GNPTAB: variants seen among roughly 807,000 people sequenced by gnomAD.
The protein encoded by GNPTAB is N-acetylglucosamine-1-phosphate transferase subunits alpha and beta, also known as N-acetylglucosamine-1-phosphotransferase subunits alpha/beta.
GNPTAB carries 92 observed loss-of-function variants against 136.6 expected under a neutral mutation model. The observed-to-expected ratio is 0.67, with a 90% confidence interval of 0.57 to 0.80. The LOEUF (loss-of-function observed/expected upper bound fraction) is 0.80. Among genes scored for constraint, GNPTAB ranks in the 30% least tolerant of loss-of-function variants. The pLI, the probability that GNPTAB is intolerant of heterozygous loss-of-function variation, is 0.00. For synonymous variants in GNPTAB, 512 were observed against 535.1 expected, an observed-to-expected ratio of 0.96 and a Z score of 0.60; for missense variants, 1,343 against 1,501.8, an observed-to-expected ratio of 0.89 and a Z score of 1.75.
chr12:101,752,019 T>TAA (rs5800485), intron 19 of GNPTAB, among the ~76,000 whole-genome samples: 2 of 145,912 alleles, frequency 1.4e-5, no homozygotes, highest in Non-Finnish European at 3.0e-5. Flanking sequence ...ACAGTTAAGT[T>TAA]AAAAAAAAAA....
At chr12:101,767,835 C>A in intron 11 of GNPTAB, 1 of 677,562 alleles carries the variant, frequency 1.5e-6, no homozygotes, top group South Asian at 1.7e-5. Context: ...CCAAGCTGGT[C>A]TTGAACTCCT....
chr12:101,769,904 T>C, intron 10 of GNPTAB, 117 bp downstream of exon 10: 1 of 1,041,864 alleles, frequency 9.6e-7, no homozygotes, highest in Non-Finnish European at 1.5e-6. Flanking sequence ...GTACTGGGAT[T>C]ACAGGTGTGA....
rs1239154077 is a variant in GNPTAB, at chr12:101,830,892, C to G, written c.-217G>C. 2.0e-5 allele frequency: 3 copies of G among 147,408 alleles called. No individual in the cohort carries two copies. Among genetic ancestry groups the G allele is most frequent in the African/African-American group, 7.3e-5 (3 of 40,944 alleles). 9.1% of individuals were successfully genotyped at this position (147,408 alleles called of 1,614,324 possible). On this transcript the variant is annotated 5_prime_UTR_variant, in exon 1 of 21. Transcript: ENST00000299314. ...CCGGGAGCCCACGCCCTCGGCGCGG[C>G]GGAGGCGGACCTGCGGCCGGCGAGG...
In GNPTAB at chr12:101,765,222, A is replaced by G. The variant is rs1449758021; in HGVS notation, c.1695T>C (p.Tyr565=). The G allele has an allele frequency of 1.2e-6, 2 of 1,613,922 alleles. No individual in the cohort carries two copies. Among genetic ancestry groups the G allele is most frequent in the Non-Finnish European group, 1.7e-6 (2 of 1,179,890 alleles). Residue 565 remains tyrosine, a synonymous_variant, in exon 13 of 21, where the codon TAT becomes TAC. Transcript: ENST00000299314. ...YIIPKGECLP[Y]FSFAEVAKRG... ...TTTTGGCTACTTCTGCAAAGCTGAA[A>G]TAAGGCAGGCATTCACCTTTTGGAA...
intron 17 of GNPTAB, 54 bp downstream of exon 17, chr12:101,757,518 G>A (rs1952919698): frequency 1.1e-6 from 1 of 938,744 alleles, no homozygotes; most frequent in Non-Finnish European, 1.8e-6. Flanking sequence ...AAAAAAGCCA[G>A]ACCTTTGTGA....
intron 1 of GNPTAB, among the ~76,000 whole-genome samples, chr12:101,821,897 C>T (rs79728738): frequency 0.011 from 1,686 of 152,230 alleles, 20 homozygotes; most frequent in Non-Finnish European, 0.014. Context: ...GGGCCACATA[C>T]AACAAAGAAC....
At chr12:101,828,837 G>C (rs759296487) in intron 1 of GNPTAB, among the ~76,000 whole-genome samples, 2 of 152,204 alleles carry the variant, frequency 1.3e-5, no homozygotes, top group Non-Finnish European at 2.9e-5. Flanking sequence ...TATCCCACAG[G>C]GGTGATGTTG....
chr12:101,768,971 C>T (rs770018102), intron 10 of GNPTAB, among the ~76,000 whole-genome samples: 3 of 152,210 alleles, frequency 2.0e-5, no homozygotes, highest in Non-Finnish European at 4.4e-5. Context: ...TGTTAAGCCA[C>T]AAGCTCAACT....
At chr12:101,786,530 TTC>T (rs1868659994) in intron 4 of GNPTAB, among the ~76,000 whole-genome samples, 1 of 152,196 alleles carries the variant, frequency 6.6e-6, no homozygotes, top group Non-Finnish European at 1.5e-5. Flanking sequence ...TTATTCATAA[TTC>T]CAATAAAGCC....
At chr12:101,825,222 A>G (rs1265625145) in intron 1 of GNPTAB, among the ~76,000 whole-genome samples, 3 of 152,258 alleles carry the variant, frequency 2.0e-5, no homozygotes, top group Non-Finnish European at 2.9e-5. Context: ...GGCATGAGCT[A>G]TAATTATTTG....
intron 5 of GNPTAB, among the ~76,000 whole-genome samples, chr12:101,781,094 G>A (rs1054617324): frequency 2.0e-5 from 3 of 152,154 alleles, no homozygotes; most frequent in Admixed American, 1.3e-4. Flanking sequence ...TTCCTTAAGA[G>A]GCACAGTTTT....
intron 1 of GNPTAB, among the ~76,000 whole-genome samples, chr12:101,820,837 C>G (rs1400606976): frequency 6.6e-6 from 1 of 152,086 alleles, no homozygotes; most frequent in East Asian, 1.9e-4. Flanking sequence ...GTGGGTGGAT[C>G]ACCTGAGGTC....
intron 5 of GNPTAB, among the ~76,000 whole-genome samples, chr12:101,782,907 G>A (rs900805135): frequency 9.2e-5 from 14 of 151,926 alleles, no homozygotes; most frequent in Admixed American, 5.2e-4. Context: ...CCAGATATTC[G>A]CATTGCTGGC....
chr12:101,792,096 G>T (rs1438438805), intron 2 of GNPTAB, among the ~76,000 whole-genome samples: 1 of 152,144 alleles, frequency 6.6e-6, no homozygotes, highest in Non-Finnish European at 1.5e-5. Context: ...TGGGGAGGCG[G>T]GGCGGTCAGT....
chr12:101,794,521 C>A (rs111405318), intron 2 of GNPTAB, among the ~76,000 whole-genome samples: 1 of 151,042 alleles, frequency 6.6e-6, no homozygotes, highest in Non-Finnish European at 1.5e-5. Flanking sequence ...AAAATCTGTA[C>A]AGAAACTAGC....
chr12:101,767,983 T>G, intron 11 of GNPTAB, 54 bp downstream of exon 11: 1 of 1,573,582 alleles, frequency 6.4e-7, no homozygotes, highest in Non-Finnish European at 8.7e-7. Flanking sequence ...CAATAATGAT[T>G]AAGAAGAAAA....
At chr12:101,758,553 T>A (rs1952938647) in intron 16 of GNPTAB, among the ~76,000 whole-genome samples, 1 of 152,256 alleles carries the variant, frequency 6.6e-6, no homozygotes, top group Non-Finnish European at 1.5e-5. Context: ...TACCAGGTCT[T>A]ACTCCTCTAT....
Position 101,749,337 on chromosome 12 carries a change from T to C in GNPTAB, c.3603-146A>G. 8 of 664,260 alleles carry C rather than the reference T, an allele frequency of 1.2e-5. No individual in the cohort carries two copies. The South Asian group carries it at 1.3e-4, about 11-fold the overall frequency. The allele number at this position is 664,260 out of a possible 1,614,324, so 41.1% of individuals were successfully genotyped here. ...GCAATTCTAAAATGCTCACACAATA[T>C]ACATTTCCAACACGAGTTCAGATTT... On this transcript the variant is annotated intron_variant, in intron 19 of 20. Transcript: ENST00000299314.
chr12:101,814,281 G>A (rs375006867), intron 1 of GNPTAB, among the ~76,000 whole-genome samples: 2 of 145,936 alleles, frequency 1.4e-5, no homozygotes, highest in Non-Finnish European at 3.0e-5. Context: ...CCTGGGCAAC[G>A]AGACTAAAAC....
Sources: gnomAD v4.1 joint callset for allele counts (sites outside exome capture counted in the v4.1 genomes callset) on GRCh38, gnomAD v4.1.1 for gene constraint, MANE v1.5 for transcripts, NCBI Gene and HGNC (gene_info 2026-07-23, HGNC 2026-07-21) for gene names.